Variants in DPYD observed in about 807,000 individuals in gnomAD.
The protein encoded by DPYD is dihydropyrimidine dehydrogenase, also known as dihydropyrimidine dehydrogenase [NADP(+)].
In DPYD, 109 loss-of-function variants were observed where a neutral mutation model predicts 116.2. The ratio of observed to expected loss-of-function variants is 0.94; its 90% CI spans 0.80 to 1.10. The LOEUF is 1.10. Ranked by LOEUF, DPYD falls within the 50% of genes least tolerant of loss-of-function variation. The pLI, the probability that DPYD is intolerant of heterozygous loss-of-function variation, is 0.00. For synonymous variants in DPYD, 440 were observed against 432.0 expected (o/e 1.02, Z -0.23); for missense variants, 1,302 against 1,254.5 (o/e 1.04, Z -0.57).
intron 5 of DPYD, among the ~76,000 whole-genome samples, chr1:97,706,245 T>G (rs1396707912): frequency 6.6e-6 from 1 of 152,030 alleles, no homozygotes; most frequent in Non-Finnish European, 1.5e-5. Context: ...AAACCAAGAA[T>G]TGTTCATGAA....
chr1:97,493,739 C>T (rs1679100578), intron 13 of DPYD, among the ~76,000 whole-genome samples: 1 of 152,050 alleles, frequency 6.6e-6, no homozygotes, highest in African/African-American at 2.4e-5. Flanking sequence ...TAAAAAGAGG[C>T]CCACAGCAAA....
At chr1:97,792,775 C>G (rs964463047) in intron 3 of DPYD, among the ~76,000 whole-genome samples, 12 of 152,216 alleles carry the variant, frequency 7.9e-5, no homozygotes, top group Non-Finnish European at 2.9e-5. Context: ...CCACTCTAAT[C>G]ATGAGGAAAA....
At chr1:97,529,668 T>C (rs1200804244) in intron 12 of DPYD, among the ~76,000 whole-genome samples, 1 of 149,772 alleles carries the variant, frequency 6.7e-6, no homozygotes, top group Non-Finnish European at 1.5e-5. Context: ...TTTTTTTCTT[T>C]TCTCTTTCTC....
chr1:97,591,446 A>C, intron 10 of DPYD, among the ~76,000 whole-genome samples: 1 of 152,200 alleles, frequency 6.6e-6, no homozygotes, highest in Middle Eastern at 3.2e-3. Context: ...CTGGTACATA[A>C]TAGATGCTCA....
Position 97,921,032 on chromosome 1 carries a change from A to T in DPYD, c.-110T>A, listed in dbSNP as rs534300645. The T allele has an allele frequency of 8.6e-6, 12 of 1,387,626 alleles. No homozygotes were observed. Among genetic ancestry groups the T allele is most frequent in the Non-Finnish European group, 9.9e-6 (10 of 1,012,726 alleles). 86.0% of individuals were successfully genotyped at this position (1,387,626 alleles called of 1,614,324 possible). A position where few individuals can be genotyped will look rare whatever the true frequency, so the allele number is the denominator to read the frequency against. On this transcript the variant is annotated 5_prime_UTR_variant, in exon 1 of 23. Transcript: ENST00000370192. ...CGGAGCGCGAGTCGAAAACAGGCAG[A>T]CTAGGGCCGGCGGCGCGGGGGCGGA... is the stretch of plus-strand genomic sequence containing the variant.
chr1:97,128,087 A>G (rs1174942289), intron 20 of DPYD, among the ~76,000 whole-genome samples: 1 of 152,166 alleles, frequency 6.6e-6, no homozygotes, highest in Non-Finnish European at 1.5e-5. Context: ...GTATCCTTGA[A>G]CACTCTCACT....
intron 1 of DPYD, among the ~76,000 whole-genome samples, chr1:97,885,253 T>A (rs776444300): frequency 6.6e-6 from 1 of 152,010 alleles, no homozygotes; most frequent in Non-Finnish European, 1.5e-5. Context: ...AAAAATGAAC[T>A]CTTATTGAGA....
chr1:97,738,283 T>C (rs565103266), intron 4 of DPYD, among the ~76,000 whole-genome samples: 2 of 152,198 alleles, frequency 1.3e-5, no homozygotes, highest in East Asian at 1.9e-4. Context: ...AATTGAGAGA[T>C]ACAATTGCAA....
intron 6 of DPYD, among the ~76,000 whole-genome samples, chr1:97,696,561 AAAC>A (rs1292985247): frequency 6.6e-6 from 1 of 152,134 alleles, no homozygotes; most frequent in East Asian, 1.9e-4. Flanking sequence ...GTGCTTAGGA[AAAC>A]AAACTTTTCT....
Position 97,721,408 on chromosome 1 carries a change from A to G in DPYD, c.483+102T>C. The G allele has an allele frequency of 4.3e-6, 6 of 1,408,940 alleles. No homozygotes were observed. In the South Asian group the frequency reaches 7.4e-5, roughly 17 times the overall value. 87.3% of individuals were successfully genotyped at this position (1,408,940 alleles called of 1,614,324 possible). ...ACATACTTGAGCTGTGTGTCACACT[A>G]AAAATGTTGGGTATCAACAGAGCAC... On this transcript the variant is annotated intron_variant, in intron 5 of 22. Coordinates refer to ENST00000370192, the MANE Select transcript of DPYD (RefSeq NM_000110.4).
intron 20 of DPYD, among the ~76,000 whole-genome samples, chr1:97,105,524 G>A (rs1651073494): frequency 6.6e-6 from 1 of 152,036 alleles, no homozygotes; most frequent in South Asian, 2.1e-4. Context: ...TTCATGGTTG[G>A]GTTGGCATAT....
chr1:97,624,409 A>C (rs1195243480), intron 8 of DPYD, among the ~76,000 whole-genome samples: 2 of 152,102 alleles, frequency 1.3e-5, no homozygotes, highest in Admixed American at 1.3e-4. Flanking sequence ...ATACAAATTA[A>C]AACAATGAAA....
At chr1:97,704,680 T>G (rs1661804240) in intron 5 of DPYD, among the ~76,000 whole-genome samples, 1 of 152,034 alleles carries the variant, frequency 6.6e-6, no homozygotes, top group Non-Finnish European at 1.5e-5. Flanking sequence ...TCTTAGAATA[T>G]AGTTCCCTAT....
chr1:97,404,500 T>C (rs967106131), intron 14 of DPYD, among the ~76,000 whole-genome samples: 14 of 152,238 alleles, frequency 9.2e-5, no homozygotes, highest in Admixed American at 3.9e-4. Context: ...AAGATTCTTA[T>C]GTCTTCCTGG....
At chr1:97,249,844 C>T (rs1349054253) in intron 18 of DPYD, among the ~76,000 whole-genome samples, 4 of 152,004 alleles carry the variant, frequency 2.6e-5, no homozygotes, top group Admixed American at 6.6e-5. Context: ...TCAGGGAACT[C>T]GAAATTAAAA....
intron 16 of DPYD, among the ~76,000 whole-genome samples, chr1:97,365,450 T>C (rs185768657): frequency 3.3e-4 from 51 of 152,356 alleles, no homozygotes; most frequent in African/African-American, 1.1e-3. Flanking sequence ...TCTCTCTTTA[T>C]GACATTTTTA....
At chr1:97,689,426 C>CA (rs1395728649) in intron 7 of DPYD, among the ~76,000 whole-genome samples, 1 of 151,872 alleles carries the variant, frequency 6.6e-6, no homozygotes, top group African/African-American at 2.4e-5. Context: ...TACTACTTGG[C>CA]AAAAATAAGT....
intron 20 of DPYD, among the ~76,000 whole-genome samples, chr1:97,134,256 TA>T (rs1213055723): frequency 6.6e-6 from 1 of 151,704 alleles, no homozygotes; most frequent in Non-Finnish European, 1.5e-5. Context: ...ATTGAGTTAT[TA>T]ATGTATTTCC....
At chr1:97,353,070 G>GA (rs918770093) in intron 16 of DPYD, among the ~76,000 whole-genome samples, 25 of 151,588 alleles carry the variant, frequency 1.6e-4, no homozygotes, top group African/African-American at 5.6e-4. Context: ...CAATAGATAG[G>GA]AAAAAAAGGA....
Sources: gnomAD v4.1 joint callset for allele counts (sites outside exome capture counted in the v4.1 genomes callset) on GRCh38, gnomAD v4.1.1 for gene constraint, MANE v1.5 for transcripts, NCBI Gene and HGNC (gene_info 2026-07-23, HGNC 2026-07-21) for gene names.